Variants in FGF13 observed in about 807,000 individuals in gnomAD.
The protein encoded by FGF13 is fibroblast growth factor homologous factor 2.
A neutral mutation model predicts 19.5 loss-of-function variants in FGF13; 2 were observed. The ratio of observed to expected loss-of-function variants is 0.10; its 90% confidence interval spans 0.04 to 0.32. FGF13 has a LOEUF of 0.32. FGF13 is among the 10% of genes least tolerant of loss of function. The pLI is 1.00. For missense variants in FGF13, 113 were observed against 192.7 expected, an observed-to-expected ratio of 0.59 and a Z score of 2.45; for synonymous variants, 72 against 76.9, an observed-to-expected ratio of 0.94 and a Z score of 0.33.
At chrX:138,728,915 G>T (rs1213703838) in intron 1 of FGF13, among the ~76,000 whole-genome samples, 1 of 111,511 alleles carries the variant, frequency 9.0e-6, no homozygotes, top group Non-Finnish European at 1.9e-5. Flanking sequence ...ATAAGATGGT[G>T]ATCCTGCTCC....
At position 139,123,293 on chromosome X, in the gene FGF13, T is replaced by A. The variant is rs752397322; in HGVS notation, c.-113+80123A>T. 2.1e-4 allele frequency among the ~76,000 whole-genome samples: 24 copies of A among 111,963 alleles called. No homozygotes were observed. The South Asian group carries it at 3.0e-3, about 14-fold the overall frequency. On this transcript the variant is annotated intron_variant, in intron 1 of 2. Coordinates refer to the FGF13 transcript ENST00000421460. ...CTAAAAGCTTCTTATTGTATTTTTT[T>A]AAAAATGCTCGCGTTCTTACCATGG...
At chrX:138,807,336 G>A (rs754453238) in intron 3 of FGF13, among the ~76,000 whole-genome samples, 11 of 111,013 alleles carry the variant, frequency 9.9e-5, no homozygotes, top group African/African-American at 3.6e-4. Context: ...TGGGGAGGTA[G>A]GAAGCTAAGC....
chrX:138,790,296 T>C (rs1462509931), intron 3 of FGF13, among the ~76,000 whole-genome samples: 1 of 108,372 alleles, frequency 9.2e-6, no homozygotes. Context: ...ATTAATCACA[T>C]CACGAGGACT....
chrX:139,135,457 C>T (rs1016003529), intron 1 of FGF13, among the ~76,000 whole-genome samples: 1 of 112,020 alleles, frequency 8.9e-6, no homozygotes, highest in Non-Finnish European at 1.9e-5. Flanking sequence ...GGTGATAGAG[C>T]AATTTGGTGT....
intron 1 of FGF13, among the ~76,000 whole-genome samples, chrX:139,059,399 A>G (rs981707002): frequency 7.3e-5 from 8 of 109,386 alleles, no homozygotes; most frequent in Non-Finnish European, 1.5e-4. Context: ...CTTTTCTCCA[A>G]TGATAAAGTG....
rs771354795 is a variant in FGF13, at chrX:138,750,121, G to A, written c.218-41193C>T. 2.7e-5 allele frequency among the ~76,000 whole-genome samples: 3 copies of A among 111,836 alleles called. No individual in the cohort carries two copies. The East Asian group carries it at 8.5e-4, about 32-fold the overall frequency. On this transcript the variant is annotated intron_variant, in intron 3 of 6. Coordinates refer to the FGF13 transcript ENST00000436198. ...AATCTACAGACGTTGGTTATGGACT[G>A]CAATGGGGAGGGGAAGAGGAGGTAG...
chrX:139,028,823 G>A (rs938664167), intron 1 of FGF13, among the ~76,000 whole-genome samples: 2 of 109,608 alleles, frequency 1.8e-5, no homozygotes, highest in African/African-American at 3.3e-5. Flanking sequence ...GGATAGAATC[G>A]TTGGTAGCTT....
intron 1 of FGF13, among the ~76,000 whole-genome samples, chrX:138,923,573 C>T: frequency 9.0e-6 from 1 of 111,700 alleles, no homozygotes; most frequent in Middle Eastern, 4.7e-3. Context: ...TGCAGGCCTT[C>T]TTTGCTGCCC....
At chrX:138,935,582 G>A (rs2091727189) in intron 1 of FGF13, among the ~76,000 whole-genome samples, 1 of 111,882 alleles carries the variant, frequency 8.9e-6, no homozygotes, top group African/African-American at 3.3e-5. Context: ...CCTGAGAGGT[G>A]AAAAATAGAG....
At chrX:139,184,827 C>T (rs1053622460) in intron 1 of FGF13, among the ~76,000 whole-genome samples, 3 of 112,452 alleles carry the variant, frequency 2.7e-5, no homozygotes, top group Non-Finnish European at 5.6e-5. Flanking sequence ...TTTTCCCATA[C>T]AAGCCATGAG....
At chrX:139,164,709 AAATAAATAAATAAATG>A (rs1386875681) in intron 1 of FGF13, among the ~76,000 whole-genome samples, 5 of 108,975 alleles carry the variant, frequency 4.6e-5, no homozygotes, top group African/African-American at 1.7e-4. Flanking sequence ...ATAAATAAAT[AAATAAATAAATAAATG>A]AATGGAGAAT....
intron 1 of FGF13, among the ~76,000 whole-genome samples, chrX:138,873,707 T>C (rs182128072): frequency 4.5e-5 from 5 of 110,918 alleles, no homozygotes; most frequent in Non-Finnish European, 9.4e-5. Flanking sequence ...TGGTGTCTTC[T>C]AGAAATTGAA....
chrX:138,934,614 G>A (rs182959109), intron 1 of FGF13, among the ~76,000 whole-genome samples: 1 of 112,653 alleles, frequency 8.9e-6, no homozygotes, highest in Non-Finnish European at 1.9e-5. Flanking sequence ...AAATAAACGA[G>A]ATGAAATGTG....
At chrX:139,101,825 A>G (rs950939867) in intron 1 of FGF13, among the ~76,000 whole-genome samples, 21 of 111,794 alleles carry the variant, frequency 1.9e-4, no homozygotes, top group East Asian at 5.7e-4. Context: ...AGCTGTCCCA[A>G]TGGTGGTTAA....
chrX:138,878,016 A>G (rs1316448544), intron 1 of FGF13, among the ~76,000 whole-genome samples: 1 of 111,709 alleles, frequency 9.0e-6, no homozygotes. Context: ...ACTATTGTCC[A>G]CAGTGACTGT....
chrX:138,845,834 CAAGT>C (rs1293972136), intron 3 of FGF13, among the ~76,000 whole-genome samples: 3 of 111,745 alleles, frequency 2.7e-5, no homozygotes, highest in Non-Finnish European at 5.6e-5. Flanking sequence ...AGAGAAAAAT[CAAGT>C]AAGTACAGAG....
intron 1 of FGF13, among the ~76,000 whole-genome samples, chrX:138,942,922 A>G (rs1250525231): frequency 1.8e-5 from 2 of 111,341 alleles, no homozygotes; most frequent in African/African-American, 6.5e-5. Flanking sequence ...TAGGCCATTT[A>G]CAAGACCGAA....
At chrX:138,963,111 C>T (rs1220449354) in intron 1 of FGF13, among the ~76,000 whole-genome samples, 2 of 112,640 alleles carry the variant, frequency 1.8e-5, no homozygotes, top group East Asian at 5.6e-4. Flanking sequence ...GAGACTGTCC[C>T]AAATCACCCA....
chrX:139,143,892 G>A (rs1463938555), intron 1 of FGF13, among the ~76,000 whole-genome samples: 1 of 111,280 alleles, frequency 9.0e-6, no homozygotes, highest in East Asian at 2.8e-4. Context: ...TCTCCTAACT[G>A]CCTTCTAGTA....
Sources: gnomAD v4.1 joint callset for allele counts (sites outside exome capture counted in the v4.1 genomes callset) on GRCh38, gnomAD v4.1.1 for gene constraint, MANE v1.5 for transcripts, NCBI Gene and HGNC (gene_info 2026-07-23, HGNC 2026-07-21) for gene names.